MYOF: variants seen among roughly 807,000 people sequenced by gnomAD.
The protein encoded by MYOF is fer-1-like 3, myoferlin.
A neutral mutation model predicts 284.2 loss-of-function variants in MYOF; 244 were observed. That is an observed-to-expected ratio of 0.86 (90% CI 0.77 to 0.95). The LOEUF is 0.95. Among genes scored for constraint, MYOF ranks in the 40% least tolerant of loss-of-function variants. The pLI, the probability that MYOF is intolerant of heterozygous loss-of-function variation, is 0.00. For synonymous variants in MYOF, 904 were observed against 919.7 expected, an observed-to-expected ratio of 0.98 and a Z score of 0.31; for missense variants, 2,496 against 2,560.6, an observed-to-expected ratio of 0.97 and a Z score of 0.54.
chr10:93,415,790 G>C (rs1280668164), intron 5 of MYOF, among the ~76,000 whole-genome samples: 1 of 151,992 alleles, frequency 6.6e-6, no homozygotes, highest in East Asian at 1.9e-4. Context: ...TACGTTCATC[G>C]GTTTCCCCCT....
Position 93,319,804 on chromosome 10 carries a change from T to C in MYOF, c.5598+68A>G, listed in dbSNP as rs144426769. On this transcript the variant is annotated intron_variant, in intron 49 of 53. Coordinates refer to ENST00000359263, the MANE Select transcript of MYOF (RefSeq NM_013451.4). ...TCCGAGATCCTGAGCAGCTCCAGCA[T>C]TCTATGAGCTTCTGAGTTAAGGAAG... The C allele has an allele frequency of 1.2e-4, 198 of 1,597,884 alleles. No homozygotes were observed. The African/African-American group carries it at 2.2e-3, about 18-fold the overall frequency.
chr10:93,309,824 G>A (rs879614744), intron 53 of MYOF, among the ~76,000 whole-genome samples, 196 bp downstream of exon 53: 12 of 152,144 alleles, frequency 7.9e-5, no homozygotes, highest in South Asian at 4.1e-4. Flanking sequence ...AGTTCTGCCC[G>A]TAATTTGTGA....
intron 29 of MYOF, 138 bp downstream of exon 29, chr10:93,359,695 C>T (rs1844977527): frequency 9.0e-7 from 1 of 1,110,548 alleles, no homozygotes. Context: ...CTGGGGTGGG[C>T]TCACTTTGAG....
intron 1 of MYOF, among the ~76,000 whole-genome samples, chr10:93,465,273 T>C (rs1361552802): frequency 1.3e-5 from 2 of 152,096 alleles, no homozygotes; most frequent in Non-Finnish European, 2.9e-5. Context: ...GACAAGAGGG[T>C]GATGCCTTGA....
intron 3 of MYOF, among the ~76,000 whole-genome samples, chr10:93,447,142 A>G (rs2056453542): frequency 6.6e-6 from 1 of 152,224 alleles, no homozygotes; most frequent in Non-Finnish European, 1.5e-5. Flanking sequence ...TTCTTTGTTC[A>G]GAATTATGCA....
chr10:93,343,021 TAGTG>T lies in MYOF; in HGVS notation c.4326+831_4326+834del, dbSNP rs199739680. Among the ~76,000 whole-genome samples, 1,023 of 151,878 alleles carry T rather than the reference TAGTG, an allele frequency of 6.7e-3. 44 individuals are homozygous for T. Among genetic ancestry groups the T allele is most frequent in the Admixed American group, 0.056 (853 of 15,180 alleles). On this transcript the variant is annotated intron_variant, in intron 38 of 53. Coordinates refer to ENST00000359263, the MANE Select transcript of MYOF (RefSeq NM_013451.4). Reference sequence around the variant, plus strand: ...ACTATATTTTATATGGTCCAGTTGTTAGTGAGTTTAATGCAGTGGGATGGAAGTA... The same window carrying T: ...ACTATATTTTATATGGTCCAGTTGTTAGTTTAATGCAGTGGGATGGAAGTA...
chr10:93,422,441 A>G (rs1848392560), intron 5 of MYOF, among the ~76,000 whole-genome samples: 1 of 152,162 alleles, frequency 6.6e-6, no homozygotes, highest in Admixed American at 6.6e-5. Context: ...AAAGGCTTAA[A>G]CCAAGAGGAA....
At chr10:93,356,302 A>T (rs1308877479) in intron 30 of MYOF, among the ~76,000 whole-genome samples, 1 of 152,084 alleles carries the variant, frequency 6.6e-6, no homozygotes, top group East Asian at 1.9e-4. Flanking sequence ...ACATCTGTAT[A>T]TTTATGAATA....
At position 93,431,424 on chromosome 10, in the gene MYOF, T is replaced by C. The variant is rs1451946528; in HGVS notation, c.329A>G (p.Lys110Arg). 1 of 1,613,844 alleles carries C rather than the reference T, an allele frequency of 6.2e-7. No individual in the cohort carries two copies. Among genetic ancestry groups the C allele is most frequent in the Non-Finnish European group, 8.5e-7 (1 of 1,179,896 alleles). Reference protein sequence around the residue: ...PYKLISLLNEKGQDTGATIDL... With the variant: ...PYKLISLLNERGQDTGATIDL... ...AACACTCACCCCAGTATCTTGCCCT[T>C]TTTCATTTAGCAGGGAGATCAGCTT... Residue 110 changes from lysine to arginine, a missense_variant, in exon 4 of 54, where the codon AAA becomes AGA. This residue lies in a region of MYOF where 2,436 missense variants were observed against 2,480.7 expected (regional missense o/e 0.98). Transcript: ENST00000359263.
At chr10:93,388,155 T>C (rs577291119) in intron 18 of MYOF, among the ~76,000 whole-genome samples, 4 of 146,068 alleles carry the variant, frequency 2.7e-5, no homozygotes, top group Non-Finnish European at 5.9e-5. Context: ...AGATCTTAGC[T>C]GTGACCAAGG....
intron 21 of MYOF, 122 bp from the exon 22 acceptor site, chr10:93,377,551 T>C (rs1021638663): frequency 2.7e-6 from 2 of 730,452 alleles, no homozygotes; most frequent in African/African-American, 3.6e-5. Context: ...ACAAATAAAA[T>C]GAAACCAGCA....
rs564956269 is a variant in MYOF at position 93,358,393 on chromosome 10, A to T, written c.3120+1440T>A. Among the ~76,000 whole-genome samples the T allele has an allele frequency of 5.9e-5, 9 of 152,364 alleles. No individual in the cohort carries two copies. In the East Asian group the frequency reaches 1.3e-3, roughly 23 times the overall value. ...CACCATTGTGGAAGACAGTGTGGCG[A>T]TTCTTCAAAGACCTAGAACCAGAAA... On this transcript the variant is annotated intron_variant, in intron 29 of 53. Coordinates refer to ENST00000359263, the MANE Select transcript of MYOF (RefSeq NM_013451.4).
At chr10:93,399,148 C>T (rs1277776634) in intron 13 of MYOF, among the ~76,000 whole-genome samples, 1 of 152,162 alleles carries the variant, frequency 6.6e-6, no homozygotes, top group East Asian at 1.9e-4. Context: ...CAGTGGTAGC[C>T]TTCCCTATTT....
chr10:93,405,245 T>C (rs1847499342), intron 7 of MYOF, among the ~76,000 whole-genome samples: 1 of 151,246 alleles, frequency 6.6e-6, no homozygotes, highest in East Asian at 1.9e-4. Context: ...AACACCATTA[T>C]CATAACCAAG....
At chr10:93,447,753 C>T (rs59492820) in intron 3 of MYOF, among the ~76,000 whole-genome samples, 8,918 of 152,148 alleles carry the variant, frequency 0.059, 875 homozygotes, top group African/African-American at 0.2. Context: ...TAGAAATGCA[C>T]AAAAATGCCC....
chr10:93,426,126 C>A lies in MYOF; in HGVS notation c.378G>T (p.Pro126=), dbSNP rs779836306. ...GGTCATTTGGATGTGGAGCAGAAGG[C>A]GGATCATAGCCGATCACCAAGTCAA... is the stretch of plus-strand genomic sequence containing the variant. ...ATIDLVIGYD[P]PSAPHPNDLS... Residue 126 remains proline, a synonymous_variant, in exon 5 of 54, where the codon CCG becomes CCT. Coordinates refer to ENST00000359263, the MANE Select transcript of MYOF (RefSeq NM_013451.4). 1.7e-4 allele frequency: 270 copies of A among 1,560,724 alleles called. No homozygotes were observed. The highest frequency in any genetic ancestry group is 2.3e-4 in the Non-Finnish European group (264 of 1,151,524).
intron 37 of MYOF, among the ~76,000 whole-genome samples, chr10:93,347,340 C>T (rs1844237260): frequency 6.6e-6 from 1 of 151,082 alleles, no homozygotes; most frequent in East Asian, 2.0e-4. Flanking sequence ...ATCATGAGGT[C>T]AGGAGATCGA....
At chr10:93,389,597 CAGA>C in intron 17 of MYOF, among the ~76,000 whole-genome samples, 1 of 152,180 alleles carries the variant, frequency 6.6e-6, no homozygotes, top group African/African-American at 2.4e-5. Context: ...ATAACTCTAG[CAGA>C]TGCTGTTAAA....
At position 93,379,981 on chromosome 10, in the gene MYOF, T is replaced by C. The variant is rs1371670434; in HGVS notation, c.1883A>G (p.Tyr628Cys). ...QYSRAVFDGN[Y>C]YYYLPWAHTK... ...GTGGGCCCAAGGCAAGTAATAATAG[T>C]AGTTGCCTGGTATAAAACATTGGGG... The change falls in exon 21 of 54, where the codon TAC (tyrosine) becomes TGC (cysteine). Residue 628 changes from tyrosine (Y) to cysteine (C), a missense_variant. Physicochemically the swap from Tyr to Cys is radical, Grantham distance 194. This residue lies in a region of MYOF where 2,436 missense variants were observed against 2,480.7 expected (regional missense o/e 0.98). Coordinates refer to ENST00000359263, the MANE Select transcript of MYOF (RefSeq NM_013451.4). 1.2e-6 allele frequency: 2 copies of C among 1,613,508 alleles called. No individual in the cohort carries two copies. The highest frequency in any genetic ancestry group is 2.2e-5 in the East Asian group (1 of 44,848).
Sources: gnomAD v4.1 joint callset for allele counts (sites outside exome capture counted in the v4.1 genomes callset) on GRCh38, gnomAD v4.1.1 for gene constraint, gnomAD v4.1.1 regional missense constraint, MANE v1.5 for transcripts, NCBI Gene and HGNC (gene_info 2026-07-23, HGNC 2026-07-21) for gene names.